The following TANC2 variants were observed in gnomAD, a reference collection of about 807,000 sequenced individuals.
TANC2 encodes the protein protein TANC2.
Under a neutral mutation model 210.5 loss-of-function variants are expected in TANC2, and 26 were observed. The ratio of observed to expected loss-of-function variants is 0.12; its 90% CI spans 0.09 to 0.17. TANC2 has a LOEUF of 0.17. Ranked by LOEUF, TANC2 falls within the 10% of genes least tolerant of loss-of-function variation. TANC2 has a pLI of 1.00. For synonymous variants in TANC2, 931 were observed against 967.1 expected, an observed-to-expected ratio of 0.96 and a Z score of 0.69; for missense variants, 2,129 against 2,608.9, an observed-to-expected ratio of 0.82 and a Z score of 4.01.
chr17:63,304,480 A>AG (rs1290716201), intron 9 of TANC2, among the ~76,000 whole-genome samples: 1 of 152,160 alleles, frequency 6.6e-6, no homozygotes, highest in East Asian at 1.9e-4. Context: ...TCTGACCTCA[A>AG]GGGGCACTGA....
chr17:63,044,476 T>C (rs1342962645), intron 2 of TANC2, among the ~76,000 whole-genome samples: 1 of 152,176 alleles, frequency 6.6e-6, no homozygotes, highest in East Asian at 1.9e-4. Context: ...TTCTATTTTA[T>C]GAGCCCATTT....
At chr17:63,257,560 A>G (rs1018365564) in intron 8 of TANC2, among the ~76,000 whole-genome samples, 2 of 152,082 alleles carry the variant, frequency 1.3e-5, no homozygotes, top group Admixed American at 6.5e-5. Flanking sequence ...GGGTTTTGCC[A>G]TGTTGCCCAG....
chr17:63,267,580 T>C (rs1269361933), intron 8 of TANC2, among the ~76,000 whole-genome samples, 168 bp from the exon 9 acceptor site: 2 of 152,156 alleles, frequency 1.3e-5, no homozygotes, highest in Admixed American at 6.5e-5. Context: ...AAACCACTTA[T>C]TTGGATTTTT....
intron 7 of TANC2, among the ~76,000 whole-genome samples, chr17:63,221,442 C>CAAAA (rs755699051): frequency 1.3e-4 from 11 of 87,468 alleles, no homozygotes; most frequent in South Asian, 3.9e-4. Flanking sequence ...GACTCCATCT[C>CAAAA]AAAAAAAAAA....
chr17:63,099,712 A>G (rs1222521143), intron 4 of TANC2, among the ~76,000 whole-genome samples: 2 of 152,198 alleles, frequency 1.3e-5, no homozygotes, highest in Non-Finnish European at 2.9e-5. Context: ...TTTTAGGATA[A>G]TAGGAGCTTG....
At chr17:63,415,821 G>C (rs1184995766) in intron 26 of TANC2, 147 bp downstream of exon 26, 3 of 927,484 alleles carry the variant, frequency 3.2e-6, no homozygotes, top group African/African-American at 1.7e-5. Flanking sequence ...TTTGCAATTT[G>C]AAAGAAATCA....
exon 5 of TANC2, chr17:63,151,289 G>C: frequency 1.0e-6 from 1 of 985,690 alleles, no homozygotes; most frequent in Non-Finnish European, 1.2e-6. Flanking sequence ...GGAAGGCAAA[G>C]TTTGTTGAGA....
At chr17:63,043,186 C>T (rs774618556) in intron 2 of TANC2, among the ~76,000 whole-genome samples, 2 of 151,992 alleles carry the variant, frequency 1.3e-5, no homozygotes, top group East Asian at 3.9e-4. Flanking sequence ...CATACATTCA[C>T]GTATCTTGTC....
chr17:63,413,680 G>A, intron 25 of TANC2, 46 bp downstream of exon 25: 1 of 1,483,708 alleles, frequency 6.7e-7, no homozygotes, highest in Non-Finnish European at 9.2e-7. Flanking sequence ...GCCACTGACT[G>A]TTTTCCATGT....
intron 10 of TANC2, among the ~76,000 whole-genome samples, chr17:63,318,697 A>G (rs2045393854): frequency 6.6e-6 from 1 of 152,102 alleles, no homozygotes; most frequent in African/African-American, 2.4e-5. Flanking sequence ...TTTTATTGTT[A>G]GTAGTCTATT....
At chr17:63,103,772 G>A (rs949276653) in intron 4 of TANC2, among the ~76,000 whole-genome samples, 16 of 152,066 alleles carry the variant, frequency 1.1e-4, no homozygotes, top group Non-Finnish European at 2.2e-4. Context: ...TTTTAAAGTC[G>A]CACTTTTTAA....
chr17:63,319,492 A>G (rs544288858), intron 11 of TANC2, among the ~76,000 whole-genome samples: 1 of 152,170 alleles, frequency 6.6e-6, no homozygotes, highest in Admixed American at 6.5e-5. Context: ...CTGGGACTAC[A>G]GGTGCGTGCC....
At chr17:63,202,729 A>G (rs1159270546) in intron 7 of TANC2, among the ~76,000 whole-genome samples, 1 of 152,082 alleles carries the variant, frequency 6.6e-6, no homozygotes, top group African/African-American at 2.4e-5. Flanking sequence ...GTATATACAG[A>G]TTGGTCTGTA....
chr17:63,243,404 GATAAA>G (rs763965637), intron 8 of TANC2, among the ~76,000 whole-genome samples: 1 of 152,118 alleles, frequency 6.6e-6, no homozygotes, highest in Non-Finnish European at 1.5e-5. Context: ...TGAGAAGACA[GATAAA>G]ATAAAGTTTT....
chr17:63,077,485 G>A (rs1417654583), intron 3 of TANC2, among the ~76,000 whole-genome samples: 2 of 152,186 alleles, frequency 1.3e-5, no homozygotes, highest in Non-Finnish European at 2.9e-5. Context: ...AGGGCTAGCA[G>A]TTCAGATTGG....
chr17:63,366,823 G>A (rs568286197), intron 14 of TANC2, among the ~76,000 whole-genome samples: 2 of 152,166 alleles, frequency 1.3e-5, no homozygotes, highest in Non-Finnish European at 2.9e-5. Context: ...CCATGAGAAA[G>A]CCATGAAAAA....
At chr17:63,425,921 C>G (rs2049132306) in exon 28 of TANC2, 1 of 152,278 alleles carries the variant, frequency 6.6e-6, no homozygotes, top group Non-Finnish European at 1.5e-5. Flanking sequence ...AGAAGCGTCA[C>G]AGTTGGGTGG....
chr17:63,071,577 G>A (rs1396235801), intron 2 of TANC2, among the ~76,000 whole-genome samples: 1 of 152,092 alleles, frequency 6.6e-6, no homozygotes, highest in Admixed American at 6.6e-5. Flanking sequence ...TTTGGTTGTG[G>A]CCAGTTGATT....
At chr17:63,068,530 T>C (rs369264059) in intron 2 of TANC2, among the ~76,000 whole-genome samples, 2 of 152,194 alleles carry the variant, frequency 1.3e-5, no homozygotes, top group African/African-American at 4.8e-5. Context: ...CCTTTTGAAG[T>C]ACTATAAATT....
Sources: allele counts gnomAD v4.1 joint callset (sites outside exome capture counted in the v4.1 genomes callset), GRCh38; gene constraint gnomAD v4.1.1; transcripts MANE v1.5; gene names NCBI Gene and HGNC (gene_info 2026-07-23, HGNC 2026-07-21).